The following SPATS2 variants were observed in gnomAD, a reference collection of about 807,000 sequenced individuals.
The protein encoded by SPATS2 is spermatogenesis-associated serine-rich protein 2.
Under a neutral mutation model 63.7 loss-of-function variants are expected in SPATS2, and 38 were observed. The ratio of observed to expected loss-of-function variants is 0.60; its 90% CI spans 0.46 to 0.78. The LOEUF (loss-of-function observed/expected upper bound fraction) is 0.78, where lower values mean the gene tolerates loss of function less well. Ranked by LOEUF, SPATS2 falls within the 30% of genes least tolerant of loss-of-function variation. SPATS2 has a pLI of 0.00. For missense variants in SPATS2, 588 were observed against 666.2 expected (o/e 0.88, Z 1.29); for synonymous variants, 207 against 232.9 (o/e 0.89, Z 1.01).
chr12:49,392,288 A>G (rs1287356733), intron 2 of SPATS2, among the ~76,000 whole-genome samples: 3 of 151,400 alleles, frequency 2.0e-5, no homozygotes, highest in Admixed American at 2.0e-4. Flanking sequence ...TGTCTGAGGT[A>G]TGTACTGCAT....
chr12:49,523,590 A>T (rs2138096934), intron 12 of SPATS2, among the ~76,000 whole-genome samples: 1 of 152,306 alleles, frequency 6.6e-6, no homozygotes, highest in South Asian at 2.1e-4. Flanking sequence ...TGCCTGTGAG[A>T]TGAGAGTTTC....
intron 2 of SPATS2, among the ~76,000 whole-genome samples, chr12:49,458,797 A>G (rs1186798983): frequency 6.6e-6 from 1 of 150,722 alleles, no homozygotes; most frequent in Non-Finnish European, 1.5e-5. Context: ...TTCTTTACCC[A>G]GAAATCTTGG....
At chr12:49,430,729 C>T (rs188682472) in intron 2 of SPATS2, among the ~76,000 whole-genome samples, 6 of 152,084 alleles carry the variant, frequency 3.9e-5, no homozygotes, top group Non-Finnish European at 8.8e-5. Context: ...GAAATAGAAT[C>T]TCTCTCTGTC....
chr12:49,427,187 C>A (rs1044083593), intron 2 of SPATS2, among the ~76,000 whole-genome samples: 1 of 152,116 alleles, frequency 6.6e-6, no homozygotes. Context: ...AAGCAATCTG[C>A]CTGCCTCAGC....
intron 2 of SPATS2, among the ~76,000 whole-genome samples, chr12:49,415,371 T>C (rs532659173): frequency 8.5e-5 from 13 of 152,174 alleles, no homozygotes; most frequent in Non-Finnish European, 1.6e-4. Flanking sequence ...TTGAGAAATG[T>C]TTGCTATATG....
intron 9 of SPATS2, among the ~76,000 whole-genome samples, chr12:49,506,820 C>G (rs943509821): frequency 2.0e-5 from 3 of 150,054 alleles, no homozygotes; most frequent in African/African-American, 7.4e-5. Context: ...GGTGACAGAG[C>G]AAGACCCTGT....
In SPATS2 at chr12:49,515,809, C is replaced by A. The variant is rs546332868; in HGVS notation, c.898+1196C>A. On this transcript the variant is annotated intron_variant, in intron 10 of 13. Coordinates refer to ENST00000552918, the MANE Select transcript of SPATS2 (RefSeq NM_023071.4). Reference sequence around the variant, plus strand: ...ATCACCTGAGCCCAGGAGTTTGAGACCAGCCTAGGCAACATAGTGAAACCT... The same window carrying A: ...ATCACCTGAGCCCAGGAGTTTGAGAACAGCCTAGGCAACATAGTGAAACCT... Among the ~76,000 whole-genome samples, 135 of 151,932 alleles carry A rather than the reference C, an allele frequency of 8.9e-4. 1 individual carries two copies. The highest frequency in any genetic ancestry group is 1.6e-3 in the Non-Finnish European group (107 of 67,972).
At position 49,469,316 on chromosome 12, in the gene SPATS2, G is replaced by C. The variant is rs990666397; in HGVS notation, c.25+8279G>C. 2.0e-5 allele frequency among the ~76,000 whole-genome samples: 3 copies of C among 150,268 alleles called. No individual in the cohort carries two copies. In the Admixed American group the frequency reaches 2.0e-4, roughly 10 times the overall value. On this transcript the variant is annotated intron_variant, in intron 3 of 13. Transcript: ENST00000552918. ...GAGGCAGGAGAATCACTTGAACCCA[G>C]GAGGCGGAGGTTGCAGTGAGCCGAA... is the stretch of plus-strand genomic sequence containing the variant.
rs1231228816 is a variant in SPATS2, at chr12:49,460,872, C to G, written c.-141C>G. ...GATTAACAGCTAGTGAGCAGAATTT[C>G]GAACAGCAGGATTTCGTATTTTTTG... is the stretch of plus-strand genomic sequence containing the variant. On this transcript the variant is annotated 5_prime_UTR_variant, in exon 3 of 14. Transcript: ENST00000552918. 4 of 797,776 alleles carry G rather than the reference C, an allele frequency of 5.0e-6. No individual in the cohort carries two copies. The highest frequency in any genetic ancestry group is 8.3e-6 in the Non-Finnish European group (4 of 482,618). The allele number at this position is 797,776 out of a possible 1,614,324, so 49.4% of individuals were successfully genotyped here.
chr12:49,408,552 CTT>C (rs772842153), intron 2 of SPATS2, among the ~76,000 whole-genome samples: 2 of 116,060 alleles, frequency 1.7e-5, no homozygotes, highest in Non-Finnish European at 1.8e-5. Context: ...TGTGCCTGGC[CTT>C]TTTTTTTTTT....
rs367936811 is a variant in SPATS2 at position 49,465,760 on chromosome 12, C to T, written c.25+4723C>T. ...GGAGTTCAAGACCAGCCTGGCCAAC[C>T]TGGCGAAACCCTGTCTCTACTAAAA... On this transcript the variant is annotated intron_variant, in intron 3 of 13. Coordinates refer to ENST00000552918, the MANE Select transcript of SPATS2 (RefSeq NM_023071.4). Among the ~76,000 whole-genome samples the T allele has an allele frequency of 5.3e-4, 80 of 152,198 alleles. No individual in the cohort carries two copies. The South Asian group carries it at 0.012, about 23-fold the overall frequency.
At chr12:49,470,388 A>G (rs565910496) in intron 3 of SPATS2, among the ~76,000 whole-genome samples, 45 of 152,170 alleles carry the variant, frequency 3.0e-4, no homozygotes, top group Non-Finnish European at 5.1e-4. Context: ...GGTTTTATTG[A>G]TAGTGCTAGA....
At chr12:49,416,739 C>T (rs980419939) in intron 2 of SPATS2, among the ~76,000 whole-genome samples, 11 of 152,174 alleles carry the variant, frequency 7.2e-5, no homozygotes, top group Admixed American at 7.2e-4. Flanking sequence ...CCCACCTCAG[C>T]TTCCCAAAGT....
intron 2 of SPATS2, among the ~76,000 whole-genome samples, chr12:49,383,181 C>T (rs1227602920): frequency 6.6e-6 from 1 of 151,384 alleles, no homozygotes; most frequent in African/African-American, 2.4e-5. Context: ...CCATGCCTGG[C>T]TAATGTTTTG....
At chr12:49,415,712 A>C (rs1358958085) in intron 2 of SPATS2, among the ~76,000 whole-genome samples, 1 of 152,156 alleles carries the variant, frequency 6.6e-6, no homozygotes, top group East Asian at 1.9e-4. Context: ...GGGGCCTGCA[A>C]CCTTTTTCTG....
chr12:49,457,862 G>T (rs1945747194), intron 2 of SPATS2, among the ~76,000 whole-genome samples: 1 of 152,140 alleles, frequency 6.6e-6, no homozygotes, highest in African/African-American at 2.4e-5. Flanking sequence ...CTATCCAGGG[G>T]TATATTCTGT....
chr12:49,462,589 G>C (rs925448704), intron 3 of SPATS2: 6 of 606,214 alleles, frequency 9.9e-6, no homozygotes, highest in African/African-American at 3.7e-5. Context: ...CTGAGCTCTT[G>C]TCTGGTGTCC....
chr12:49,513,973 G>A (rs1294151132), intron 9 of SPATS2, among the ~76,000 whole-genome samples: 9 of 152,016 alleles, frequency 5.9e-5, no homozygotes, highest in Admixed American at 6.5e-5. Flanking sequence ...TGGCTGACAC[G>A]GTGAAACCCC....
intron 6 of SPATS2, among the ~76,000 whole-genome samples, chr12:49,491,442 C>T (rs188528475): frequency 8.4e-4 from 128 of 152,130 alleles, no homozygotes; most frequent in African/African-American, 2.7e-3. Context: ...TGGCCAGGCA[C>T]GGTGACTCAT....
Sources: allele counts gnomAD v4.1 joint callset (sites outside exome capture counted in the v4.1 genomes callset), GRCh38; gene constraint gnomAD v4.1.1; transcripts MANE v1.5; gene names NCBI Gene and HGNC (gene_info 2026-07-23, HGNC 2026-07-21).